The following HECW1 variants were observed in gnomAD, a reference collection of about 807,000 sequenced individuals.
HECW1 encodes the protein E3 ubiquitin-protein ligase HECW1.
In HECW1, 61 loss-of-function variants were observed where a neutral mutation model predicts 182.3. The observed-to-expected ratio is 0.33, with a 90% confidence interval of 0.27 to 0.41. The LOEUF (loss-of-function observed/expected upper bound fraction) is 0.41. Among genes scored for constraint, HECW1 ranks in the 10% least tolerant of loss-of-function variants. The pLI, the probability that HECW1 is intolerant of heterozygous loss-of-function variation, is 1.00. For synonymous variants in HECW1, 859 were observed against 832.6 expected (o/e 1.03, Z -0.55); for missense variants, 1,739 against 2,108.9 (o/e 0.82, Z 3.44).
intron 2 of HECW1, among the ~76,000 whole-genome samples, chr7:43,233,927 A>T (rs1318243626): frequency 1.3e-5 from 2 of 152,240 alleles, no homozygotes; most frequent in African/African-American, 4.8e-5. Flanking sequence ...AGAGGCATGG[A>T]AATAGATTGC....
chr7:43,159,678 CTTT>C (rs36117153), intron 2 of HECW1, among the ~76,000 whole-genome samples: 6,310 of 123,648 alleles, frequency 0.051, 384 homozygotes, highest in African/African-American at 0.18. Context: ...TTCCTTGTAT[CTTT>C]TTTTTTTTTT....
intron 16 of HECW1, among the ~76,000 whole-genome samples, chr7:43,478,331 A>T (rs1244612508): frequency 6.6e-6 from 1 of 152,046 alleles, no homozygotes; most frequent in Non-Finnish European, 1.5e-5. Context: ...CAGGAGAATC[A>T]CTTGAACCCA....
chr7:43,235,120 G>A (rs1485694475), intron 2 of HECW1, among the ~76,000 whole-genome samples: 1 of 152,208 alleles, frequency 6.6e-6, no homozygotes, highest in African/African-American at 2.4e-5. Context: ...CAGGTCAGGA[G>A]AGCCTCCCCT....
chr7:43,155,665 T>G (rs7357306), intron 2 of HECW1, among the ~76,000 whole-genome samples: 80,989 of 151,762 alleles, frequency 0.53, 22,064 homozygotes, highest in South Asian at 0.66. Flanking sequence ...TCTACTCAGT[T>G]TGTATTACCG....
At chr7:43,373,872 A>G (rs993028766) in intron 6 of HECW1, among the ~76,000 whole-genome samples, 1 of 152,132 alleles carries the variant, frequency 6.6e-6, no homozygotes, top group Non-Finnish European at 1.5e-5. Context: ...GGCACCTCAT[A>G]TAGGAGGAAT....
At chr7:43,536,448 G>A (rs1041493220) in intron 24 of HECW1, among the ~76,000 whole-genome samples, 2 of 152,290 alleles carry the variant, frequency 1.3e-5, no homozygotes, top group Non-Finnish European at 2.9e-5. Context: ...CCCACCACCC[G>A]CTGCTGGGAG....
chr7:43,227,239 G>T (rs893687863), intron 2 of HECW1, among the ~76,000 whole-genome samples: 1 of 152,134 alleles, frequency 6.6e-6, no homozygotes, highest in Non-Finnish European at 1.5e-5. Context: ...GAAATAATAT[G>T]TGAAGCAAAA....
At chr7:43,324,699 C>G (rs1810561984) in intron 5 of HECW1, among the ~76,000 whole-genome samples, 1 of 152,144 alleles carries the variant, frequency 6.6e-6, no homozygotes, top group Admixed American at 6.5e-5. Flanking sequence ...AAATTATACT[C>G]TCTTAAAATT....
At chr7:43,512,813 C>T (rs1450610003) in intron 24 of HECW1, among the ~76,000 whole-genome samples, 1 of 152,174 alleles carries the variant, frequency 6.6e-6, no homozygotes, top group African/African-American at 2.4e-5. Context: ...AGCAAAAATC[C>T]ATTATAAGGC....
chr7:43,461,268 A>G (rs2077573469), intron 13 of HECW1, among the ~76,000 whole-genome samples: 1 of 152,224 alleles, frequency 6.6e-6, no homozygotes, highest in African/African-American at 2.4e-5. Flanking sequence ...TGGGCCTCTC[A>G]GCCAGGACAC....
At chr7:43,294,568 G>A (rs1182352674) in intron 3 of HECW1, among the ~76,000 whole-genome samples, 3 of 152,156 alleles carry the variant, frequency 2.0e-5, no homozygotes, top group Non-Finnish European at 4.4e-5. Context: ...CTAATACTTG[G>A]CTCCTCGGTC....
intron 24 of HECW1, among the ~76,000 whole-genome samples, chr7:43,516,230 A>AG (rs2080142123): frequency 6.6e-6 from 1 of 152,138 alleles, no homozygotes; most frequent in Non-Finnish European, 1.5e-5. Flanking sequence ...CTTGGCGCTC[A>AG]GTAAATATGT....
intron 2 of HECW1, among the ~76,000 whole-genome samples, chr7:43,238,297 TG>T (rs1416352209): frequency 6.6e-6 from 1 of 152,116 alleles, no homozygotes; most frequent in Admixed American, 6.5e-5. Context: ...CCAGAGTGGG[TG>T]CTGTCCAGAA....
At chr7:43,374,773 C>CAAAAAAAAA (rs66910107) in intron 6 of HECW1, among the ~76,000 whole-genome samples, 1 of 14,502 alleles carries the variant, frequency 6.9e-5, no homozygotes, top group Non-Finnish European at 9.1e-5. Flanking sequence ...GACTCCGTCT[C>CAAAAAAAAA]AAAAAAAAAA....
intron 2 of HECW1, among the ~76,000 whole-genome samples, chr7:43,119,628 G>A (rs2152600763): frequency 6.6e-6 from 1 of 152,276 alleles, no homozygotes; most frequent in South Asian, 2.1e-4. Context: ...CAACCGCCCA[G>A]CATCTCCCTT....
At position 43,371,271 on chromosome 7, in the gene HECW1, A is replaced by G. The variant is rs187677838; in HGVS notation, c.555+10291A>G. Among the ~76,000 whole-genome samples, 16 of 152,276 alleles carry G rather than the reference A, an allele frequency of 1.1e-4. No homozygotes were observed. The East Asian group carries it at 3.1e-3, about 29-fold the overall frequency. On this transcript the variant is annotated intron_variant, in intron 6 of 29. Transcript: ENST00000395891. ...AACCCACAGAATATACAACACTAAC[A>G]GTAACCACTGATGGGAAGTATGCAC...
At position 43,444,086 on chromosome 7, in the gene HECW1, A is replaced by T. The variant is rs143634772; in HGVS notation, c.1046-132A>T. On this transcript the variant is annotated intron_variant, in intron 10 of 29. Transcript: ENST00000395891. This position sits in a 1 kb window ranked among gnomAD's most constrained non-coding sequence, Gnocchi z 4.3. ...TTCACTAGAGCTCTGGCCAGTGAGA[A>T]ACCCTCATCAACCTACATTCAATAT... The T allele has an allele frequency of 1.4e-4, 128 of 903,406 alleles. No individual in the cohort carries two copies. The African/African-American group carries it at 1.7e-3, about 12-fold the overall frequency. The allele number at this position is 903,406 out of a possible 1,614,324, so 56.0% of individuals were successfully genotyped here.
chr7:43,248,181 T>C (rs936104233), intron 3 of HECW1, among the ~76,000 whole-genome samples: 1 of 152,026 alleles, frequency 6.6e-6, no homozygotes, highest in African/African-American at 2.4e-5. Context: ...AGAGGTTGTG[T>C]GTCATCAGAG....
chr7:43,229,475 G>A (rs991054775), intron 2 of HECW1, among the ~76,000 whole-genome samples: 1 of 151,636 alleles, frequency 6.6e-6, no homozygotes, highest in Non-Finnish European at 1.5e-5. Context: ...GGATCTACTT[G>A]AGGGTGGAGA....
Sources: allele counts gnomAD v4.1 joint callset (sites outside exome capture counted in the v4.1 genomes callset), GRCh38; gene constraint gnomAD v4.1.1; non-coding constraint Gnocchi (gnomAD v3.1); transcripts MANE v1.5; gene names NCBI Gene and HGNC (gene_info 2026-07-23, HGNC 2026-07-21).